DNAH12: variants seen among roughly 807,000 people sequenced by gnomAD.
The protein encoded by DNAH12 is axonemal beta dynein heavy chain 12.
DNAH12 carries 285 observed loss-of-function variants against 371.5 expected under a neutral mutation model. The observed-to-expected ratio is 0.77, with a 90% confidence interval of 0.70 to 0.85. The LOEUF is 0.85. DNAH12 is among the 40% of genes least tolerant of loss of function. The pLI is 0.00. For missense variants in DNAH12, 3,611 were observed against 3,689.4 expected, an observed-to-expected ratio of 0.98 and a Z score of 0.55; for synonymous variants, 1,200 against 1,213.0, an observed-to-expected ratio of 0.99 and a Z score of 0.22.
At chr3:57,530,962 GC>G in intron 2 of DNAH12, 1 of 155,558 alleles carries the variant, frequency 6.4e-6, no homozygotes. Context: ...TGTCACGAGA[GC>G]CCATTGCTCG....
intron 25 of DNAH12, among the ~76,000 whole-genome samples, chr3:57,447,433 TTC>T (rs1432808434): frequency 8.5e-5 from 13 of 152,266 alleles, no homozygotes; most frequent in African/African-American, 9.6e-5. Context: ...CAAATTTAAC[TTC>T]TTTTAGAAAA....
rs528502723 is a variant in DNAH12, at chr3:57,511,098, T to C, written c.280-119A>G. The C allele has an allele frequency of 6.2e-5, 43 of 693,464 alleles. No homozygotes were observed. The African/African-American group carries it at 6.6e-4, about 11-fold the overall frequency. 43.0% of individuals were successfully genotyped at this position (693,464 alleles called of 1,614,324 possible). On this transcript the variant is annotated intron_variant, in intron 4 of 73. Transcript: ENST00000495027. The stretch of plus-strand genomic sequence containing the variant: ...ATTAAAAATATTCTGAAAAATAACA[T>C]TTTCAGAATAAAAACCATTTAATCC...
At chr3:57,315,201 TC>T (rs1004408107) in intron 65 of DNAH12, among the ~76,000 whole-genome samples, 2 of 151,414 alleles carry the variant, frequency 1.3e-5, no homozygotes, top group Non-Finnish European at 1.5e-5. Context: ...GTCTTTAAGG[TC>T]CCCCCCAAGT....
intron 29 of DNAH12, among the ~76,000 whole-genome samples, chr3:57,441,425 T>C (rs973170928): frequency 2.0e-5 from 3 of 152,084 alleles, no homozygotes; most frequent in African/African-American, 4.8e-5. Flanking sequence ...TGAAACTATA[T>C]AGAATGGTCT....
At chr3:57,309,625 T>TTATTTA (rs1438071780) in intron 68 of DNAH12, 41 bp downstream of exon 68, 3 of 1,395,480 alleles carry the variant, frequency 2.1e-6, no homozygotes, top group East Asian at 5.2e-5. Context: ...AGTATCATTT[T>TTATTTA]TATTTATATT....
rs1413392753 is a variant in DNAH12, at chr3:57,471,490, C to G, written c.1893G>C (p.Glu631Asp). The G allele has an allele frequency of 6.5e-7, 1 of 1,547,356 alleles. No individual in the cohort carries two copies. The highest frequency in any genetic ancestry group is 8.7e-7 in the Non-Finnish European group (1 of 1,146,268). ...RRMEEFTEFA[E>D]LERMQQYVTD... is the part of the protein sequence containing the mutation. ...ATCAGACCTGTTGCATGCGCTCCAG[C>G]TCTGCAAATTCTGTAAACTCCTCCA... Residue 631 changes from glutamate (E) to aspartate (D), a missense_variant, in exon 15 of 74, where the codon GAG becomes GAC. Glu to Asp is a conservative substitution (Grantham distance 45). Coordinates refer to ENST00000495027, the MANE Select transcript of DNAH12 (RefSeq NM_001366028.2).
chr3:57,316,234 G>T (rs2061683829), intron 65 of DNAH12, among the ~76,000 whole-genome samples: 2 of 151,172 alleles, frequency 1.3e-5, no homozygotes, highest in South Asian at 4.2e-4. Flanking sequence ...GTGAGGGTAT[G>T]CATTTTAGTT....
intron 60 of DNAH12, among the ~76,000 whole-genome samples, chr3:57,341,598 G>T (rs1246223320): frequency 4.0e-5 from 6 of 151,876 alleles, no homozygotes; most frequent in African/African-American, 9.7e-5. Context: ...ATGATTTTTT[G>T]AAAGAAATTG....
In DNAH12 at chr3:57,472,577, T is replaced by G; in HGVS notation, c.1745A>C (p.Lys582Thr). 2 of 1,550,314 alleles carry G rather than the reference T, an allele frequency of 1.3e-6. No homozygotes were observed. Reference protein sequence around the residue: ...LNATVLMWPRKINPIFDENDE... With the variant: ...LNATVLMWPRTINPIFDENDE... ...ATTTTCATCAAAGATGGGATTAATTTTCCTAGGCCACATGAGGACAGTTGC... is the reference window on the plus strand; with the variant it reads ...ATTTTCATCAAAGATGGGATTAATTGTCCTAGGCCACATGAGGACAGTTGC... Residue 582 changes from lysine to threonine, a missense_variant, in exon 14 of 74, where the codon AAA becomes ACA. By Grantham distance (78) the Lys-to-Thr change is moderately conservative. Around this residue, in one of 3 missense-constraint regions of DNAH12, gnomAD observed 1,314 missense variants for 1,398.7 expected, o/e 0.94. Transcript: ENST00000495027.
intron 9 of DNAH12, among the ~76,000 whole-genome samples, chr3:57,503,330 T>C (rs1036043228): frequency 6.6e-6 from 1 of 151,468 alleles, no homozygotes; most frequent in African/African-American, 2.4e-5. Flanking sequence ...AACAAATATT[T>C]ATTGACTAAT....
At chr3:57,512,129 C>A (rs1440028701) in intron 4 of DNAH12, among the ~76,000 whole-genome samples, 1 of 151,930 alleles carries the variant, frequency 6.6e-6, no homozygotes, top group Non-Finnish European at 1.5e-5. Flanking sequence ...AGACAATTGA[C>A]AATCTGGCAG....
chr3:57,309,327 A>G (rs2107675538), intron 68 of DNAH12, 73 bp from the exon 69 acceptor site: 1 of 1,149,008 alleles, frequency 8.7e-7, no homozygotes, highest in East Asian at 2.6e-5. Context: ...CCATTATATA[A>G]TAATAGCTAA....
At chr3:57,541,765 C>G (rs1047266881) in intron 2 of DNAH12, among the ~76,000 whole-genome samples, 1 of 151,354 alleles carries the variant, frequency 6.6e-6, no homozygotes, top group East Asian at 1.9e-4. Flanking sequence ...TAAATTATTG[C>G]TGGACTAATA....
chr3:57,427,877 T>A (rs1476534989), intron 34 of DNAH12, among the ~76,000 whole-genome samples: 1 of 151,928 alleles, frequency 6.6e-6, no homozygotes, highest in Non-Finnish European at 1.5e-5. Flanking sequence ...GGACTTCTGG[T>A]CTCCAGAACT....
chr3:57,359,032 C>T (rs2062861343), intron 58 of DNAH12, among the ~76,000 whole-genome samples: 1 of 152,052 alleles, frequency 6.6e-6, no homozygotes. Context: ...GATCCACCTG[C>T]TTTGGCCTCC....
chr3:57,480,109 T>G (rs1468352615), intron 13 of DNAH12, among the ~76,000 whole-genome samples: 1 of 151,890 alleles, frequency 6.6e-6, no homozygotes. Context: ...AAAAAACCCT[T>G]CAAAAAATCA....
At chr3:57,512,693 C>G (rs2068042840) in intron 4 of DNAH12, 1 of 152,120 alleles carries the variant, frequency 6.6e-6, no homozygotes, top group African/African-American at 2.4e-5. Context: ...ACCTTTTGAC[C>G]CAGCAATCCC....
At chr3:57,471,436 G>A (rs1375501766) in intron 15 of DNAH12, 36 bp downstream of exon 15, 2 of 1,493,936 alleles carry the variant, frequency 1.3e-6, no homozygotes, top group African/African-American at 1.4e-5. Flanking sequence ...GACTCTATGG[G>A]CTGGCCATAG....
intron 66 of DNAH12, 42 bp downstream of exon 66, chr3:57,314,448 GATAA>G (rs1307835544): frequency 4.5e-6 from 7 of 1,549,470 alleles, no homozygotes; most frequent in Non-Finnish European, 6.1e-6. Flanking sequence ...CCTAGGGCCT[GATAA>G]ATAGTGATCC....
Sources: allele counts gnomAD v4.1 joint callset (sites outside exome capture counted in the v4.1 genomes callset), GRCh38; gene constraint gnomAD v4.1.1; regional missense constraint gnomAD v4.1.1; transcripts MANE v1.5; gene names NCBI Gene and HGNC (gene_info 2026-07-23, HGNC 2026-07-21).